Variants in RREB1 observed in about 807,000 individuals in gnomAD.
RREB1 encodes ras-responsive element-binding protein 1.
In RREB1, 27 loss-of-function variants were observed where a neutral mutation model predicts 117.8. The observed-to-expected ratio is 0.23, with a 90% CI of 0.17 to 0.32. The LOEUF (loss-of-function observed/expected upper bound fraction) is 0.32, where lower values mean the gene tolerates loss of function less well. RREB1 is among the 10% of genes least tolerant of loss of function. The pLI, the probability that RREB1 is intolerant of heterozygous loss-of-function variation, is 1.00. For missense variants in RREB1, 2,577 were observed against 2,378.2 expected (o/e 1.08, Z -1.74); for synonymous variants, 1,298 against 1,026.7 (o/e 1.26, Z -5.05).
chr6:7,162,866 TGA>T (rs1763738113), intron 1 of RREB1, among the ~76,000 whole-genome samples: 1 of 152,104 alleles, frequency 6.6e-6, no homozygotes, highest in African/African-American at 2.4e-5. Context: ...TTTCATTTTT[TGA>T]GAGAGGGTCT....
chr6:7,246,579 G>A lies in RREB1; in HGVS notation c.4129G>A (p.Val1377Met). Residue 1377 changes from valine to methionine, a missense_variant, in exon 12 of 13, where the codon GTG becomes ATG. Transcript: ENST00000379938. ...EQATAETASP[V>M]HREEHGRGES... ...GGCCACGGCGGAAACGGCCTCGCCG[G>A]TGCACCGGGAAGAGCACGGGCGTGG... 6.4e-7 allele frequency: 1 copy of A among 1,551,856 alleles called. No individual in the cohort carries two copies. The highest frequency in any genetic ancestry group is 8.7e-7 in the Non-Finnish European group (1 of 1,148,022).
chr6:7,228,185 C>T (rs923694449), intron 9 of RREB1, among the ~76,000 whole-genome samples: 1 of 152,140 alleles, frequency 6.6e-6, no homozygotes, highest in Non-Finnish European at 1.5e-5. Context: ...GTTCCATATA[C>T]ACACACCCAT....
At chr6:7,236,393 T>C (rs1261717454) in intron 10 of RREB1, among the ~76,000 whole-genome samples, 1 of 152,156 alleles carries the variant, frequency 6.6e-6, no homozygotes, top group Non-Finnish European at 1.5e-5. Flanking sequence ...TGCTTCTATC[T>C]GGCAGTGAGG....
chr6:7,145,374 A>T (rs916014492), intron 1 of RREB1, among the ~76,000 whole-genome samples: 1 of 152,168 alleles, frequency 6.6e-6, no homozygotes, highest in East Asian at 1.9e-4. Context: ...TTAAAATGGC[A>T]ACTGAAACAT....
chr6:7,172,620 C>T (rs1764271199), intron 1 of RREB1, among the ~76,000 whole-genome samples: 1 of 152,078 alleles, frequency 6.6e-6, no homozygotes, highest in African/African-American at 2.4e-5. Context: ...GCTCACGGTG[C>T]CCCATGGTGT....
chr6:7,217,047 C>T (rs747495361), intron 8 of RREB1: 7 of 152,592 alleles, frequency 4.6e-5, no homozygotes, highest in South Asian at 4.1e-4. Flanking sequence ...GTTCCTGGGT[C>T]ATGGGGAGGG....
chr6:7,200,794 T>A (rs1765931786), intron 6 of RREB1, among the ~76,000 whole-genome samples: 1 of 152,254 alleles, frequency 6.6e-6, no homozygotes, highest in Admixed American at 6.5e-5. Context: ...ATGATCTGGT[T>A]CATAATTAGT....
rs772896500 is a variant in RREB1, at chr6:7,248,603, C to G, written c.4864C>G (p.His1622Asp). Residue 1622 changes from histidine (H) to aspartate (D), a missense_variant, in exon 13 of 13, where the codon CAT becomes GAT. His to Asp is a moderately conservative substitution (Grantham distance 81). Coordinates refer to ENST00000379938, the MANE Select transcript of RREB1 (RefSeq NM_001003699.4). ...RHQRIHQKAR[H>D]AKHHGKDSDK... ...CCAGCGGATCCACCAGAAAGCCAGG[C>G]ATGCCAAACACCACGGGAAGGACAG... is the stretch of plus-strand genomic sequence containing the variant. The G allele has an allele frequency of 3.7e-5, 60 of 1,614,144 alleles. No individual in the cohort carries two copies. The highest frequency in any genetic ancestry group is 4.9e-5 in the Non-Finnish European group (58 of 1,180,052).
rs759274004 is a variant in RREB1 at position 7,231,432 on chromosome 6, CGCCACCACCGCCACCCCCGCT to C, written c.3343_3363del (p.Ala1115_Thr1121del). 67 of 1,612,502 alleles carry C rather than the reference CGCCACCACCGCCACCCCCGCT, an allele frequency of 4.2e-5. No individual in the cohort carries two copies. The South Asian group carries it at 7.2e-4, about 17-fold the overall frequency. On this transcript the variant is annotated inframe_deletion, in exon 10 of 13. Coordinates refer to ENST00000379938, the MANE Select transcript of RREB1 (RefSeq NM_001003699.4). ...GCTTAGGAGGTTCTGTCCCCAAAGC[CGCCACCACCGCCACCCCCGCT>C]GCCACCACCAGCCCAAAAGAGTCTA...
intron 6 of RREB1, among the ~76,000 whole-genome samples, chr6:7,209,325 C>CT (rs1766453372): frequency 6.6e-6 from 1 of 152,156 alleles, no homozygotes; most frequent in Admixed American, 6.5e-5. Context: ...ATCTCTTATA[C>CT]TTTCTCAACT....
chr6:7,173,998 C>G (rs571811180), intron 1 of RREB1, among the ~76,000 whole-genome samples: 1 of 152,116 alleles, frequency 6.6e-6, no homozygotes, highest in Non-Finnish European at 1.5e-5. Flanking sequence ...GAGGGACTTC[C>G]GCCCTCTCTT....
chr6:7,188,226 C>CGTGTGTGTGTGTGTGTGTGTGT (rs149501678), intron 5 of RREB1, among the ~76,000 whole-genome samples: 1 of 149,302 alleles, frequency 6.7e-6, no homozygotes, highest in Non-Finnish European at 1.5e-5. Flanking sequence ...CCCCCCCACA[C>CGTGTGTGTGTGTGTGTGTGTGT]GTGTGTGTGT....
intron 1 of RREB1, among the ~76,000 whole-genome samples, chr6:7,113,567 G>A (rs144855993): frequency 9.9e-5 from 15 of 152,234 alleles, no homozygotes; most frequent in Non-Finnish European, 2.1e-4. Flanking sequence ...TTACAGCTGC[G>A]CGGTGGTCCA....
At chr6:7,237,862 C>T (rs944460443) in intron 10 of RREB1, among the ~76,000 whole-genome samples, 2 of 152,066 alleles carry the variant, frequency 1.3e-5, no homozygotes, top group Non-Finnish European at 2.9e-5. Flanking sequence ...ACTTTGGGAG[C>T]CTTTGTAGTT....
chr6:7,161,931 C>T (rs747395571), intron 1 of RREB1, among the ~76,000 whole-genome samples: 33 of 152,156 alleles, frequency 2.2e-4, no homozygotes, highest in Non-Finnish European at 4.0e-4. Context: ...GCTGTGGATA[C>T]GATTATTTCA....
intron 1 of RREB1, among the ~76,000 whole-genome samples, chr6:7,146,055 G>GC (rs1277646100): frequency 7.3e-6 from 1 of 136,658 alleles, no homozygotes; most frequent in Non-Finnish European, 1.6e-5. Context: ...TCTCCCCACC[G>GC]CCCCCCAGGA....
chr6:7,160,394 A>G (rs2113460104), intron 1 of RREB1, among the ~76,000 whole-genome samples: 1 of 152,344 alleles, frequency 6.6e-6, no homozygotes, highest in South Asian at 2.1e-4. Flanking sequence ...CATGATACAT[A>G]CGTTGTTTCA....
intron 1 of RREB1, among the ~76,000 whole-genome samples, chr6:7,128,900 C>T (rs566185017): frequency 5.3e-5 from 8 of 152,078 alleles, no homozygotes; most frequent in Non-Finnish European, 1.0e-4. Flanking sequence ...ATCCGGGAGG[C>T]GGAGGTTGCA....
chr6:7,133,288 G>T (rs1294014813), intron 1 of RREB1, among the ~76,000 whole-genome samples: 1 of 152,168 alleles, frequency 6.6e-6, no homozygotes, highest in Non-Finnish European at 1.5e-5. Flanking sequence ...AAATCCAGGT[G>T]CCTGGACGGG....
Sources: allele counts gnomAD v4.1 joint callset (sites outside exome capture counted in the v4.1 genomes callset), GRCh38; gene constraint gnomAD v4.1.1; transcripts MANE v1.5; gene names NCBI Gene and HGNC (gene_info 2026-07-23, HGNC 2026-07-21).